The following PALM2AKAP2 variants were observed in gnomAD, a reference collection of about 807,000 sequenced individuals.
The protein encoded by PALM2AKAP2 is PALM2 and AKAP2 fusion.
A neutral mutation model predicts 71.5 loss-of-function variants in PALM2AKAP2; 37 were observed. The ratio of observed to expected loss-of-function variants is 0.52; its 90% CI spans 0.40 to 0.68. The LOEUF (loss-of-function observed/expected upper bound fraction) is 0.68. Ranked by LOEUF, PALM2AKAP2 falls within the 30% of genes least tolerant of loss-of-function variation. The probability of loss-of-function intolerance (pLI) is 0.00; values close to 1 mark genes in which losing one functional copy is unlikely to be tolerated. For missense variants in PALM2AKAP2, 1,224 were observed against 1,191.8 expected, an observed-to-expected ratio of 1.03 and a Z score of -0.40; for synonymous variants, 468 against 478.8, an observed-to-expected ratio of 0.98 and a Z score of 0.29.
chr9:110,007,633 T>C (rs76139435), intron 6 of PALM2AKAP2, among the ~76,000 whole-genome samples: 2,812 of 152,250 alleles, frequency 0.018, 97 homozygotes, highest in African/African-American at 0.064. Flanking sequence ...AACTTCTGCC[T>C]TTTCTCTTTA....
chr9:110,171,696 C>T (rs1457330915), exon 4 of PALM2AKAP2: 2 of 152,448 alleles, frequency 1.3e-5, no homozygotes, highest in Non-Finnish European at 2.9e-5. Flanking sequence ...AAGAGGCTTA[C>T]GAAAAACTTT....
At chr9:109,827,571 T>A (rs1011744283) in intron 1 of PALM2AKAP2, among the ~76,000 whole-genome samples, 2 of 152,114 alleles carry the variant, frequency 1.3e-5, no homozygotes, top group Admixed American at 6.5e-5. Flanking sequence ...ATCGCACCAC[T>A]GCACTCCAGC....
intron 1 of PALM2AKAP2, among the ~76,000 whole-genome samples, chr9:109,683,600 G>A (rs1420896779): frequency 6.6e-6 from 1 of 152,182 alleles, no homozygotes; most frequent in Non-Finnish European, 1.5e-5. Flanking sequence ...AAGTCATCCA[G>A]TGTGTGGTGA....
chr9:110,055,921 G>C (rs564668121), intron 1 of PALM2AKAP2, among the ~76,000 whole-genome samples: 1 of 152,180 alleles, frequency 6.6e-6, no homozygotes, highest in Non-Finnish European at 1.5e-5. Context: ...GATTCCTCAG[G>C]TGGCCATCCT....
intron 1 of PALM2AKAP2, among the ~76,000 whole-genome samples, chr9:109,852,006 C>G (rs1320551205): frequency 6.6e-6 from 1 of 152,144 alleles, no homozygotes; most frequent in Admixed American, 6.5e-5. Context: ...TTAATCCTAC[C>G]TGGTTCCCCA....
At chr9:109,982,387 T>C (rs191769309) in intron 6 of PALM2AKAP2, among the ~76,000 whole-genome samples, 3 of 152,300 alleles carry the variant, frequency 2.0e-5, no homozygotes, top group African/African-American at 7.2e-5. Flanking sequence ...TAAGATCTAA[T>C]ATTTGATAGC....
upstream of PALM2AKAP2, among the ~76,000 whole-genome samples, chr9:109,778,520 T>C (rs1829380337): frequency 6.6e-6 from 1 of 152,194 alleles, no homozygotes; most frequent in African/African-American, 2.4e-5. Context: ...GTTTCTGATA[T>C]ATTGGAGTGG....
At chr9:109,931,059 A>G (rs1336851151) in intron 5 of PALM2AKAP2, among the ~76,000 whole-genome samples, 1 of 152,226 alleles carries the variant, frequency 6.6e-6, no homozygotes, top group African/African-American at 2.4e-5. Flanking sequence ...AAGGGATCAC[A>G]TCTCATGGTG....
rs182180937 is a variant in PALM2AKAP2, at chr9:109,780,540, C to T, written c.45+7C>T. The T allele has an allele frequency of 1.2e-4, 197 of 1,613,548 alleles. 2 individuals carry two copies. The East Asian group carries it at 4.2e-3, about 34-fold the overall frequency. The stretch of plus-strand genomic sequence containing the variant: ...AAGGCTGCAAGCCATAGCAGTAAGT[C>T]CACTTTCATTTTATTTTCTTGCTCT... On this transcript the variant is annotated splice_region_variant and intron_variant, in intron 1 of 9. Transcript: ENST00000302798.
intron 3 of PALM2AKAP2, among the ~76,000 whole-genome samples, chr9:109,915,561 A>C (rs1830667186): frequency 6.6e-6 from 1 of 152,184 alleles, no homozygotes; most frequent in African/African-American, 2.4e-5. Flanking sequence ...GCAACCCTGG[A>C]CAAGTCAGTG....
chr9:109,836,529 G>A (rs1180914914), intron 1 of PALM2AKAP2, among the ~76,000 whole-genome samples: 4 of 152,252 alleles, frequency 2.6e-5, no homozygotes, highest in African/African-American at 9.6e-5. Flanking sequence ...GCTGGACAGA[G>A]AATGACTTTG....
intron 1 of PALM2AKAP2, among the ~76,000 whole-genome samples, chr9:109,770,391 C>A (rs372850558): frequency 9.2e-5 from 14 of 152,252 alleles, no homozygotes; most frequent in African/African-American, 3.1e-4. Flanking sequence ...GAGAAGGAGT[C>A]TATAGTTCTT....
At chr9:109,961,505 C>T (rs1831850320) in intron 6 of PALM2AKAP2, among the ~76,000 whole-genome samples, 1 of 140,598 alleles carries the variant, frequency 7.1e-6, no homozygotes, top group South Asian at 2.7e-4. Context: ...TATTGAGTGG[C>T]CACTTAGAAG....
chr9:110,088,389 T>G (rs73657343), intron 1 of PALM2AKAP2, among the ~76,000 whole-genome samples: 5,783 of 152,264 alleles, frequency 0.038, 367 homozygotes, highest in African/African-American at 0.12. Flanking sequence ...AAAGTTATAC[T>G]TCTATGCAAA....
intron 1 of PALM2AKAP2, among the ~76,000 whole-genome samples, chr9:109,812,133 G>A (rs1278534159): frequency 6.6e-6 from 1 of 152,224 alleles, no homozygotes; most frequent in African/African-American, 2.4e-5. Context: ...ACAGGGAGAG[G>A]GCAGCTGGCC....
At chr9:110,153,428 G>A (rs1161797687) in intron 2 of PALM2AKAP2, among the ~76,000 whole-genome samples, 1 of 152,178 alleles carries the variant, frequency 6.6e-6, no homozygotes, top group Non-Finnish European at 1.5e-5. Flanking sequence ...GCCTACAAAA[G>A]AAGTGGTATA....
At chr9:109,840,818 A>C (rs1828640777) in intron 1 of PALM2AKAP2, among the ~76,000 whole-genome samples, 1 of 152,244 alleles carries the variant, frequency 6.6e-6, no homozygotes, top group African/African-American at 2.4e-5. Context: ...CCACAATGAG[A>C]TACCATCTCA....
intron 1 of PALM2AKAP2, among the ~76,000 whole-genome samples, chr9:109,799,849 G>T (rs116139169): frequency 1.8e-3 from 267 of 152,266 alleles, no homozygotes; most frequent in African/African-American, 6.2e-3. Context: ...CCCAGAAGAA[G>T]CATCCTCCCC....
chr9:109,684,772 A>G (rs567646135), intron 1 of PALM2AKAP2, among the ~76,000 whole-genome samples: 3 of 152,338 alleles, frequency 2.0e-5, no homozygotes, highest in Non-Finnish European at 2.9e-5. Context: ...TATACTTACT[A>G]TATGAACTAG....
Sources: gnomAD v4.1 joint callset for allele counts (sites outside exome capture counted in the v4.1 genomes callset) on GRCh38, gnomAD v4.1.1 for gene constraint, MANE v1.5 for transcripts, NCBI Gene and HGNC (gene_info 2026-07-23, HGNC 2026-07-21) for gene names.